CARMIL2: variants seen among roughly 807,000 people sequenced by gnomAD.
CARMIL2 encodes the protein capping protein regulator and myosin 1 linker 2.
Under a neutral mutation model 173.3 loss-of-function variants are expected in CARMIL2, and 96 were observed. The ratio of observed to expected loss-of-function variants is 0.55; its 90% CI spans 0.47 to 0.66. The LOEUF (loss-of-function observed/expected upper bound fraction) is 0.66. CARMIL2 is among the 30% of genes least tolerant of loss of function. CARMIL2 has a pLI of 0.00. For synonymous variants in CARMIL2, 830 were observed against 817.1 expected (o/e 1.02, Z -0.27); for missense variants, 1,771 against 1,906.7 (o/e 0.93, Z 1.33).
In CARMIL2 at chr16:67,649,165, C is replaced by T. The variant is rs2052664714; in HGVS notation, c.1681C>T (p.Arg561Trp). The change falls in exon 18 of 38, where the codon CGG (arginine) becomes TGG (tryptophan). Residue 561 changes from arginine (R) to tryptophan (W), a missense_variant. Physicochemically the swap from Arg to Trp is moderately radical, Grantham distance 101. Around this residue, in one of 3 missense-constraint regions of CARMIL2, gnomAD observed 944 missense variants for 975.6 expected, o/e 0.97. Coordinates refer to ENST00000334583, the MANE Select transcript of CARMIL2 (RefSeq NM_001013838.3). The surrounding 1 kb of genome is among the most constrained non-coding windows in gnomAD (Gnocchi z 6.7). ...HVALGRNFNV[R>W]CKETLDDVLH... is the part of the protein sequence containing the mutation. ...GGCGCTTGGAAGGAACTTCAACGTC[C>T]GGTGCAAGTGAGCCCCCACCCTACT... is the stretch of plus-strand genomic sequence containing the variant. The T allele has an allele frequency of 1.9e-6, 3 of 1,613,418 alleles. No individual in the cohort carries two copies. Among genetic ancestry groups the T allele is most frequent in the South Asian group, 2.2e-5 (2 of 90,998 alleles).
chr16:67,656,981 AGT>A, intron 36 of CARMIL2, 100 bp downstream of exon 36: 1 of 983,128 alleles, frequency 1.0e-6, no homozygotes, highest in Non-Finnish European at 1.5e-6. Context: ...GGGAGCCACC[AGT>A]GTGTGAGGTC....
chr16:67,648,371 C>T lies in CARMIL2; in HGVS notation c.1335-27C>T. ...TGCTGGAAGCCGCCTCCTTGCGGCC[C>T]CAGGCCCACCTTCCCACTTCCCCCA... On this transcript the variant is annotated intron_variant, in intron 14 of 37. Transcript: ENST00000334583. The surrounding 1 kb of genome is among the most constrained non-coding windows in gnomAD (Gnocchi z 6.1). 1 of 1,539,056 alleles carries T rather than the reference C, an allele frequency of 6.5e-7. No individual in the cohort carries two copies. The highest frequency in any genetic ancestry group is 8.7e-7 in the Non-Finnish European group (1 of 1,149,436).
Position 67,648,441 on chromosome 16 carries a change from C to T in CARMIL2, c.1378C>T (p.Arg460Cys). ...APAALQLFLS[R>C]ARTLRHLGLA... is the part of the protein sequence containing the mutation. ...GGCCGCGCTGCAGCTCTTCCTCAGC[C>T]GCGCGCGGACGCTGCGGCACCTGGG... The change falls in exon 15 of 38, where the codon CGC (arginine) becomes TGC (cysteine). Residue 460 changes from arginine (R) to cysteine (C), a missense_variant. Arg to Cys is a radical substitution (Grantham distance 180). This residue lies in a region of CARMIL2 where 944 missense variants were observed against 975.6 expected (regional missense o/e 0.97). Coordinates refer to ENST00000334583, the MANE Select transcript of CARMIL2 (RefSeq NM_001013838.3). This position sits in a 1 kb window ranked among gnomAD's most constrained non-coding sequence, Gnocchi z 6.1. 1 of 1,470,418 alleles carries T rather than the reference C, an allele frequency of 6.8e-7. No individual in the cohort carries two copies. The highest frequency in any genetic ancestry group is 8.9e-7 in the Non-Finnish European group (1 of 1,120,748). The allele number at this position is 1,470,418 out of a possible 1,614,324, so 91.1% of individuals were successfully genotyped here. A position where few individuals can be genotyped will look rare whatever the true frequency, so the allele number is the denominator to read the frequency against.
Position 67,648,496 on chromosome 16 carries a change from C to A in CARMIL2, c.1433C>A (p.Ala478Glu). The A allele has an allele frequency of 6.9e-7, 1 of 1,439,838 alleles. No individual in the cohort carries two copies. Among genetic ancestry groups the A allele is most frequent in the Non-Finnish European group, 9.1e-7 (1 of 1,102,050 alleles). The allele number at this position is 1,439,838 out of a possible 1,614,324, so 89.2% of individuals were successfully genotyped here. The stretch of plus-strand genomic sequence containing the variant: ...GCGGGCTGCAAGCTGCCGCCCGACG[C>A]GCTCAGGTCAGTGTCGGACCCCGGC... ...GLAGCKLPPD[A>E]LRALLDGLAL... The change falls in exon 15 of 38, where the codon GCG becomes GAG. Residue 478 changes from alanine to glutamate, a missense_variant. By Grantham distance (107) the Ala-to-Glu change is moderately radical. Coordinates refer to ENST00000334583, the MANE Select transcript of CARMIL2 (RefSeq NM_001013838.3). This position sits in a 1 kb window ranked among gnomAD's most constrained non-coding sequence, Gnocchi z 6.1.
In CARMIL2 at chr16:67,653,366, C is replaced by T; in HGVS notation, c.3120+112C>T. 2.7e-6 allele frequency: 1 copy of T among 366,316 alleles called. No homozygotes were observed. The highest frequency in any genetic ancestry group is 4.0e-6 in the Non-Finnish European group (1 of 250,996). The allele number at this position is 366,316 out of a possible 1,614,324, so 22.7% of individuals were successfully genotyped here. On this transcript the variant is annotated intron_variant, in intron 29 of 37. Coordinates refer to ENST00000334583, the MANE Select transcript of CARMIL2 (RefSeq NM_001013838.3). This position sits in a 1 kb window ranked among gnomAD's most constrained non-coding sequence, Gnocchi z 7.4. ...AGAGGGGGTGGTGGGGGCCCAAGGC[C>T]ACCTGGTCGTGCGGCCGCGGTCACA...
chr16:67,651,824 A>G lies in CARMIL2; in HGVS notation c.2567A>G (p.Gln856Arg), dbSNP rs772425105. 2 of 1,612,276 alleles carry G rather than the reference A, an allele frequency of 1.2e-6. No homozygotes were observed. Among genetic ancestry groups the G allele is most frequent in the Admixed American group, 3.3e-5 (2 of 59,888 alleles). The part of the protein sequence containing the change: ...LPELLPEQLL[Q>R]DAFTRLRDMR... Reference sequence around the variant, plus strand: ...GAGCTGCTCCCAGAGCAGCTGCTGCAAGATGCCTTCACTAGGCTCAGGTAG... The same window carrying G: ...GAGCTGCTCCCAGAGCAGCTGCTGCGAGATGCCTTCACTAGGCTCAGGTAG... Residue 856 changes from glutamine to arginine, a missense_variant, in exon 25 of 38, where the codon CAA becomes CGA. Around this residue, in one of 3 missense-constraint regions of CARMIL2, gnomAD observed 817 missense variants for 903.5 expected, o/e 0.90. Transcript: ENST00000334583. The surrounding 1 kb of genome is among the most constrained non-coding windows in gnomAD (Gnocchi z 4.2).
rs2052797028 is a variant in CARMIL2, at chr16:67,654,513, C to T, written c.3403C>T (p.Leu1135=). 1.2e-6 allele frequency: 2 copies of T among 1,611,734 alleles called. No individual in the cohort carries two copies. Among genetic ancestry groups the T allele is most frequent in the African/African-American group, 1.3e-5 (1 of 74,918 alleles). The stretch of plus-strand genomic sequence containing the variant: ...AACCCGAAAAACTACATTTGGCGAC[C>T]TACTGCGGCCGCCAACCCGTCCCAG... ...PRTRKTTFGD[L]LRPPTRPSRG... The change falls in exon 31 of 38, where the codon CTA becomes TTA. Residue 1135 remains leucine, a synonymous_variant. Coordinates refer to ENST00000334583, the MANE Select transcript of CARMIL2 (RefSeq NM_001013838.3).
chr16:67,648,437 C>A lies in CARMIL2; in HGVS notation c.1374C>A (p.Leu458=). ...RAAPAALQLF[L]SRARTLRHLG... ...CGCCGGCCGCGCTGCAGCTCTTCCT[C>A]AGCCGCGCGCGGACGCTGCGGCACC... Residue 458 remains leucine, a synonymous_variant, in exon 15 of 38, where the codon CTC becomes CTA. Coordinates refer to ENST00000334583, the MANE Select transcript of CARMIL2 (RefSeq NM_001013838.3). The surrounding 1 kb of genome is among the most constrained non-coding windows in gnomAD (Gnocchi z 6.1). The A allele has an allele frequency of 6.7e-7, 1 of 1,492,762 alleles. No individual in the cohort carries two copies. The highest frequency in any genetic ancestry group is 1.3e-5 in the South Asian group (1 of 78,272). 92.5% of individuals were successfully genotyped at this position (1,492,762 alleles called of 1,614,324 possible).
chr16:67,654,611 C>A lies in CARMIL2; in HGVS notation c.3501C>A (p.Arg1167=). The change falls in exon 31 of 38, where the codon CGC becomes CGA. Residue 1167 remains arginine (R), a synonymous_variant. Coordinates refer to ENST00000334583, the MANE Select transcript of CARMIL2 (RefSeq NM_001013838.3). ...ACCCTGCCGGCAGGAGCCGACCTCG[C>A]TACACAAGAGATAGCAAGGCCTACT... ...SPDPAGRSRP[R]YTRDSKAYSM... is the part of the protein sequence containing the mutation. 1 of 1,603,348 alleles carries A rather than the reference C, an allele frequency of 6.2e-7. No homozygotes were observed. Among genetic ancestry groups the A allele is most frequent in the South Asian group, 1.1e-5 (1 of 90,100 alleles).
At position 67,651,746 on chromosome 16, in the gene CARMIL2, C is replaced by T; in HGVS notation, c.2489C>T (p.Ser830Phe). The T allele has an allele frequency of 6.2e-7, 1 of 1,606,780 alleles. No individual in the cohort carries two copies. Among genetic ancestry groups the T allele is most frequent in the African/African-American group, 1.3e-5 (1 of 74,940 alleles). ...RSLCPQMLQG[S>F]SWREQLEGVL... ...CTCTGCCCACAGATGCTGCAGGGAT[C>T]CAGCTGGAGGGAGCAGCTAGAGGGG... is the stretch of plus-strand genomic sequence containing the variant. The change falls in exon 25 of 38, where the codon TCC becomes TTC. Residue 830 changes from serine (S) to phenylalanine (F), a missense_variant. Physicochemically the swap from Ser to Phe is radical, Grantham distance 155. Around this residue, in one of 3 missense-constraint regions of CARMIL2, gnomAD observed 817 missense variants for 903.5 expected, o/e 0.90. Transcript: ENST00000334583. The surrounding 1 kb of genome is among the most constrained non-coding windows in gnomAD (Gnocchi z 4.2).
In CARMIL2 at chr16:67,652,272, G is replaced by A; in HGVS notation, c.2750G>A (p.Ser917Asn). 1.9e-6 allele frequency: 3 copies of A among 1,613,378 alleles called. No homozygotes were observed. Among genetic ancestry groups the A allele is most frequent in the Non-Finnish European group, 2.5e-6 (3 of 1,179,846 alleles). Residue 917 changes from serine (S) to asparagine (N), a missense_variant, in exon 27 of 38, where the codon AGC becomes AAC. By Grantham distance (46) the Ser-to-Asn change is conservative. Around this residue, in one of 3 missense-constraint regions of CARMIL2, gnomAD observed 817 missense variants for 903.5 expected, o/e 0.90. Transcript: ENST00000334583. This position sits in a 1 kb window ranked among gnomAD's most constrained non-coding sequence, Gnocchi z 4.7. ...CCAGCACCGGATGGAGGTGAGCCCAGCCTCCTTGAGCCTGGGGAATTGGAA... is the reference window on the plus strand; with the variant it reads ...CCAGCACCGGATGGAGGTGAGCCCAACCTCCTTGAGCCTGGGGAATTGGAA... ...ALPAPDGGEP[S>N]LLEPGELEGL...
rs757317112 is a variant in CARMIL2 at position 67,652,555 on chromosome 16, G to C, written c.2884+17G>C. 2 of 1,612,386 alleles carry C rather than the reference G, an allele frequency of 1.2e-6. No homozygotes were observed. Among genetic ancestry groups the C allele is most frequent in the Admixed American group, 1.7e-5 (1 of 59,934 alleles). On this transcript the variant is annotated intron_variant, in intron 28 of 37. Coordinates refer to ENST00000334583, the MANE Select transcript of CARMIL2 (RefSeq NM_001013838.3). The surrounding 1 kb of genome is among the most constrained non-coding windows in gnomAD (Gnocchi z 4.7). The stretch of plus-strand genomic sequence containing the variant: ...TCATTCACAGTAAGTCAGGGCCTTG[G>C]GGGAGGGAGTTTACGTGGGTGGGCT...
In CARMIL2 at chr16:67,654,918, G is replaced by A; in HGVS notation, c.3705+18G>A. On this transcript the variant is annotated intron_variant, in intron 32 of 37. Coordinates refer to ENST00000334583, the MANE Select transcript of CARMIL2 (RefSeq NM_001013838.3). ...GGAAGCAAGTGAGTTGAGGGGACCT[G>A]AGCATGAAGTGAGAGGGCAGATGGC... 1 of 1,612,812 alleles carries A rather than the reference G, an allele frequency of 6.2e-7. No individual in the cohort carries two copies. Among genetic ancestry groups the A allele is most frequent in the Non-Finnish European group, 8.5e-7 (1 of 1,179,562 alleles).
rs781640263 is a variant in CARMIL2, at chr16:67,652,306, C to A, written c.2784C>A (p.Phe928Leu). The change falls in exon 27 of 38, where the codon TTC (phenylalanine) becomes TTA (leucine). Residue 928 changes from phenylalanine (F) to leucine (L), a missense_variant. Transcript: ENST00000334583. This position sits in a 1 kb window ranked among gnomAD's most constrained non-coding sequence, Gnocchi z 4.7. ...AGCCTGGGGAATTGGAAGGTCTTTTCTTCCCCGAGGAGAAGGAAGAGGAGA... is the reference window on the plus strand; with the variant it reads ...AGCCTGGGGAATTGGAAGGTCTTTTATTCCCCGAGGAGAAGGAAGAGGAGA... ...LLEPGELEGL[F>L]FPEEKEEEKE... 2 of 1,613,262 alleles carry A rather than the reference C, an allele frequency of 1.2e-6. No homozygotes were observed. Among genetic ancestry groups the A allele is most frequent in the Admixed American group, 3.3e-5 (2 of 60,016 alleles).
chr16:67,654,425 G>A lies in CARMIL2; in HGVS notation c.3315G>A (p.Lys1105=), dbSNP rs1343462820. 1 of 1,612,010 alleles carries A rather than the reference G, an allele frequency of 6.2e-7. No individual in the cohort carries two copies. Among genetic ancestry groups the A allele is most frequent in the Admixed American group, 1.7e-5 (1 of 59,786 alleles). ...RKKLGTLFAF[K]KPRSTRGPRT... The stretch of plus-strand genomic sequence containing the variant: ...AGCTGGGCACCCTCTTTGCCTTCAA[G>A]AAGCCTCGTTCAACGCGGGGTCCAC... The change falls in exon 31 of 38, where the codon AAG becomes AAA. Residue 1105 remains lysine, a synonymous_variant. Coordinates refer to ENST00000334583, the MANE Select transcript of CARMIL2 (RefSeq NM_001013838.3).
At position 67,652,339 on chromosome 16, in the gene CARMIL2, G is replaced by A; in HGVS notation, c.2817G>A (p.Lys939=). 2 of 1,613,290 alleles carry A rather than the reference G, an allele frequency of 1.2e-6. No homozygotes were observed. Among genetic ancestry groups the A allele is most frequent in the Non-Finnish European group, 1.7e-6 (2 of 1,179,826 alleles). Residue 939 remains lysine (K), a splice_region_variant and synonymous_variant, in exon 27 of 38, where the codon AAG becomes AAA. Coordinates refer to ENST00000334583, the MANE Select transcript of CARMIL2 (RefSeq NM_001013838.3). This position sits in a 1 kb window ranked among gnomAD's most constrained non-coding sequence, Gnocchi z 4.7. ...FPEEKEEEKE[K]DDSPPQKWPE... ...AGGAGAAGGAAGAGGAGAAGGAGAAGGTAAGTGGTTTTAGAACACGGGGCA... is the reference window on the plus strand; with the variant it reads ...AGGAGAAGGAAGAGGAGAAGGAGAAAGTAAGTGGTTTTAGAACACGGGGCA...
In CARMIL2 at chr16:67,649,245, T is replaced by A. The variant is rs1567630367; in HGVS notation, c.1689-9T>A. 1 of 1,613,188 alleles carries A rather than the reference T, an allele frequency of 6.2e-7. No individual in the cohort carries two copies. The highest frequency in any genetic ancestry group is 8.5e-7 in the Non-Finnish European group (1 of 1,179,626). The stretch of plus-strand genomic sequence containing the variant: ...CCCTGTCCCCCACAACTGCGGCCCC[T>A]GCCCACAGGGAGACCCTGGACGACG... On this transcript the variant is annotated splice_polypyrimidine_tract_variant and intron_variant, in intron 18 of 37. Transcript: ENST00000334583. This position sits in a 1 kb window ranked among gnomAD's most constrained non-coding sequence, Gnocchi z 6.7.
chr16:67,655,297 C>T (rs1290422210), intron 32 of CARMIL2, among the ~76,000 whole-genome samples: 1 of 151,988 alleles, frequency 6.6e-6, no homozygotes, highest in East Asian at 1.9e-4. Flanking sequence ...CCGGGTGTGG[C>T]GGTGGGCACT....
At position 67,646,946 on chromosome 16, in the gene CARMIL2, T is replaced by A; in HGVS notation, c.584T>A (p.Leu195Gln). 1 of 1,613,686 alleles carries A rather than the reference T, an allele frequency of 6.2e-7. No homozygotes were observed. ...YHRQGCRHFS[L>Q]GDFSHLGSRD... is the part of the protein sequence containing the mutation. ...CGCCAGGGCTGCCGCCATTTCAGCCTGGGAGACTTCAGCCACCTCGGCAGT... is the reference window on the plus strand; with the variant it reads ...CGCCAGGGCTGCCGCCATTTCAGCCAGGGAGACTTCAGCCACCTCGGCAGT... The change falls in exon 8 of 38, where the codon CTG becomes CAG. Residue 195 changes from leucine to glutamine, a missense_variant. Transcript: ENST00000334583. This position sits in a 1 kb window ranked among gnomAD's most constrained non-coding sequence, Gnocchi z 4.6.
Sources: gnomAD v4.1 joint callset for allele counts (sites outside exome capture counted in the v4.1 genomes callset) on GRCh38, gnomAD v4.1.1 for gene constraint, gnomAD v4.1.1 regional missense constraint, Gnocchi (gnomAD v3.1) non-coding constraint, MANE v1.5 for transcripts, NCBI Gene and HGNC (gene_info 2026-07-23, HGNC 2026-07-21) for gene names.